CTNNA3: variants seen among roughly 807,000 people sequenced by gnomAD.
The protein encoded by CTNNA3 is catenin alpha 3.
Under a neutral mutation model 95.7 loss-of-function variants are expected in CTNNA3, and 76 were observed. The observed-to-expected ratio is 0.79, with a 90% CI of 0.66 to 0.96. The LOEUF (loss-of-function observed/expected upper bound fraction) is 0.96. CTNNA3 is among the 40% of genes least tolerant of loss of function. The pLI, the probability that CTNNA3 is intolerant of heterozygous loss-of-function variation, is 0.00. For missense variants in CTNNA3, 1,191 were observed against 1,089.8 expected (o/e 1.09, Z -1.31); for synonymous variants, 431 against 374.4 (o/e 1.15, Z -1.74).
intron 1 of CTNNA3, among the ~76,000 whole-genome samples, chr10:67,712,157 G>A (rs1450588412): frequency 6.6e-6 from 1 of 152,108 alleles, no homozygotes; most frequent in African/African-American, 2.4e-5. Context: ...ATGATAGACT[G>A]GATTAAGAAA....
chr10:66,903,957 G>A (rs1386382533), intron 7 of CTNNA3, among the ~76,000 whole-genome samples: 32 of 152,076 alleles, frequency 2.1e-4, no homozygotes, highest in Admixed American at 2.1e-3. Context: ...TACTGCCCAA[G>A]GTAATTTATA....
chr10:67,744,424 T>C (rs58440220), intron 1 of CTNNA3, among the ~76,000 whole-genome samples: 13,823 of 151,188 alleles, frequency 0.091, 1,596 homozygotes, highest in African/African-American at 0.25. Flanking sequence ...ATTTAATAAA[T>C]GGTGCTGGGA....
At position 66,745,018 on chromosome 10, in the gene CTNNA3, C is replaced by T. The variant is rs545250467; in HGVS notation, c.1281+21246G>A. 6.4e-4 allele frequency among the ~76,000 whole-genome samples: 97 copies of T among 152,296 alleles called. 1 individual carries two copies. The highest frequency in any genetic ancestry group is 2.2e-3 in the African/African-American group (93 of 41,570). ...TCTTTAAAAGCTAAGAGTCACAATTCAAGACCGTGGGTTCATTATTTTATA... is the reference window on the plus strand; with the variant it reads ...TCTTTAAAAGCTAAGAGTCACAATTTAAGACCGTGGGTTCATTATTTTATA... On this transcript the variant is annotated intron_variant, in intron 9 of 17. Coordinates refer to ENST00000433211, the MANE Select transcript of CTNNA3 (RefSeq NM_013266.4).
intron 7 of CTNNA3, among the ~76,000 whole-genome samples, chr10:67,102,567 T>C (rs566085413): frequency 1.2e-4 from 18 of 151,994 alleles, no homozygotes; most frequent in African/African-American, 4.3e-4. Context: ...CTACTAAGTT[T>C]CTTCCTCCTA....
intron 13 of CTNNA3, among the ~76,000 whole-genome samples, chr10:66,148,165 A>T (rs549121552): frequency 1.1e-3 from 166 of 151,984 alleles, no homozygotes; most frequent in Non-Finnish European, 1.9e-3. Context: ...GGAGCTTGTC[A>T]TATATTATGG....
At chr10:67,140,217 T>C (rs1860490393) in intron 7 of CTNNA3, among the ~76,000 whole-genome samples, 1 of 152,194 alleles carries the variant, frequency 6.6e-6, no homozygotes, top group African/African-American at 2.4e-5. Context: ...TTAAAATTGG[T>C]AAGTCATCAC....
intron 11 of CTNNA3, among the ~76,000 whole-genome samples, chr10:66,443,973 C>A (rs150925869): frequency 6.6e-6 from 1 of 151,902 alleles, no homozygotes; most frequent in African/African-American, 2.4e-5. Context: ...GCAGAGAAGT[C>A]CTTAAAGGAG....
rs1224221909 is a variant in CTNNA3 at position 66,326,141 on chromosome 10, T to C, written c.1733-45520A>G. ...TTTGAAAGTAATACTTGGGTGTAAATGACTACATTGGATTACAAGATACTT... is the reference window on the plus strand; with the variant it reads ...TTTGAAAGTAATACTTGGGTGTAAACGACTACATTGGATTACAAGATACTT... On this transcript the variant is annotated intron_variant, in intron 12 of 17. Transcript: ENST00000433211. 1.3e-5 allele frequency among the ~76,000 whole-genome samples: 2 copies of C among 152,070 alleles called. 1 individual carries two copies. The highest frequency in any genetic ancestry group is 3.9e-4 in the East Asian group (2 of 5,192).
At chr10:66,330,705 T>C (rs1340031339) in intron 12 of CTNNA3, among the ~76,000 whole-genome samples, 3 of 152,142 alleles carry the variant, frequency 2.0e-5, no homozygotes, top group African/African-American at 7.2e-5. Flanking sequence ...AAAGTGTTCC[T>C]ATTCCTCCAC....
chr10:66,867,639 T>C (rs1844231157), intron 7 of CTNNA3, among the ~76,000 whole-genome samples: 1 of 152,052 alleles, frequency 6.6e-6, no homozygotes, highest in African/African-American at 2.4e-5. Context: ...TAGCCGAGAC[T>C]GAAATAAAAA....
chr10:67,571,373 A>C (rs1203292978), intron 3 of CTNNA3, among the ~76,000 whole-genome samples: 1 of 152,122 alleles, frequency 6.6e-6, no homozygotes, highest in Non-Finnish European at 1.5e-5. Context: ...GGTCACTCTA[A>C]GTATCTTTGA....
In CTNNA3 at chr10:66,779,776, A is replaced by G. The variant is rs140790208; in HGVS notation, c.1048-4252T>C. ...TCCATGATACTTTCTTATAGTTCTT[A>G]TACTTCTTTTATAACACTTGGTTTA... On this transcript the variant is annotated intron_variant, in intron 7 of 17. Transcript: ENST00000433211. Among the ~76,000 whole-genome samples, 269 of 152,336 alleles carry G rather than the reference A, an allele frequency of 1.8e-3. 2 individuals are homozygous for G. The highest frequency in any genetic ancestry group is 6.3e-3 in the African/African-American group (262 of 41,584).
At chr10:66,012,467 C>T (rs2079022899) in intron 15 of CTNNA3, among the ~76,000 whole-genome samples, 1 of 151,986 alleles carries the variant, frequency 6.6e-6, no homozygotes, top group Admixed American at 6.5e-5. Flanking sequence ...CAGAGATTTC[C>T]CAAAGGAGCT....
At chr10:66,585,484 T>G (rs900649958) in intron 10 of CTNNA3, among the ~76,000 whole-genome samples, 1 of 151,956 alleles carries the variant, frequency 6.6e-6, no homozygotes, top group Non-Finnish European at 1.5e-5. Context: ...TAATCTATTT[T>G]AAAAGCTTTT....
intron 13 of CTNNA3, among the ~76,000 whole-genome samples, chr10:66,278,195 A>AC (rs2091431282): frequency 6.7e-6 from 1 of 148,340 alleles, no homozygotes; most frequent in Non-Finnish European, 1.5e-5. Context: ...CAAGATAAAA[A>AC]AAAGGAAAAG....
intron 5 of CTNNA3, among the ~76,000 whole-genome samples, chr10:67,330,496 A>G (rs1589173951): frequency 6.6e-6 from 1 of 152,200 alleles, no homozygotes; most frequent in East Asian, 1.9e-4. Context: ...AGATAAGCGC[A>G]GCATATATTA....
chr10:65,990,276 C>T (rs1023043688), intron 15 of CTNNA3, among the ~76,000 whole-genome samples: 3 of 151,740 alleles, frequency 2.0e-5, no homozygotes, highest in African/African-American at 4.8e-5. Context: ...TACGTTAGTA[C>T]TACTTTTAAT....
intron 10 of CTNNA3, among the ~76,000 whole-genome samples, chr10:66,572,281 G>A (rs1240360576): frequency 6.6e-6 from 1 of 151,614 alleles, no homozygotes; most frequent in Non-Finnish European, 1.5e-5. Flanking sequence ...TACTAGGGAG[G>A]CTGAAGCAGG....
At chr10:67,510,460 C>CTTTTTTTTTTTTTT (rs139116294) in intron 5 of CTNNA3, among the ~76,000 whole-genome samples, 1 of 140,876 alleles carries the variant, frequency 7.1e-6, no homozygotes. Context: ...TTCTTCACTT[C>CTTTTTTTTTTTTTT]TTTTTTTTTT....
Sources: allele counts gnomAD v4.1 joint callset (sites outside exome capture counted in the v4.1 genomes callset), GRCh38; gene constraint gnomAD v4.1.1; transcripts MANE v1.5; gene names NCBI Gene and HGNC (gene_info 2026-07-23, HGNC 2026-07-21).